The following ANO4 variants were observed in gnomAD, a reference collection of about 807,000 sequenced individuals.
ANO4 encodes the protein anoctamin-4.
Under a neutral mutation model 141.9 loss-of-function variants are expected in ANO4, and 69 were observed. The observed-to-expected ratio is 0.49, with a 90% CI of 0.40 to 0.59. The LOEUF is 0.59. Ranked by LOEUF, ANO4 falls within the 20% of genes least tolerant of loss-of-function variation. The pLI is 0.00. For missense variants in ANO4, 894 were observed against 1,162.2 expected (o/e 0.77, Z 3.36); for synonymous variants, 350 against 394.3 (o/e 0.89, Z 1.33).
chr12:100,958,336 C>T (rs1296545853), intron 5 of ANO4, among the ~76,000 whole-genome samples: 1 of 152,158 alleles, frequency 6.6e-6, no homozygotes, highest in African/African-American at 2.4e-5. Context: ...CCTCTTTTCC[C>T]ATTTCACTCT....
intron 3 of ANO4, among the ~76,000 whole-genome samples, chr12:100,928,962 C>CT (rs570738178): frequency 7.2e-5 from 11 of 152,068 alleles, no homozygotes; most frequent in African/African-American, 2.2e-4. Context: ...ACAATGACAT[C>CT]TTTTTTTATT....
chr12:100,890,376 A>AT (rs1327723513), intron 1 of ANO4, among the ~76,000 whole-genome samples: 1 of 152,216 alleles, frequency 6.6e-6, no homozygotes, highest in Non-Finnish European at 1.5e-5. Flanking sequence ...AACTGTTAGT[A>AT]TGTCTTATCA....
At chr12:101,091,592 T>C (rs995253901) in intron 17 of ANO4, among the ~76,000 whole-genome samples, 1 of 152,216 alleles carries the variant, frequency 6.6e-6, no homozygotes, top group Non-Finnish European at 1.5e-5. Context: ...CAATGTGAGA[T>C]ATTATCGTGA....
chr12:101,039,141 AT>A (rs1245484069), intron 10 of ANO4: 1 of 152,142 alleles, frequency 6.6e-6, no homozygotes, highest in African/African-American at 2.4e-5. Flanking sequence ...ACATTCTAGA[AT>A]TTTCTTGTCG....
chr12:100,801,503 T>A (rs981451469), intron 1 of ANO4, among the ~76,000 whole-genome samples: 6 of 151,342 alleles, frequency 4.0e-5, no homozygotes, highest in African/African-American at 1.5e-4. Flanking sequence ...ATGAAAGATT[T>A]TTTTTTTTTT....
chr12:100,833,429 C>G (rs1008824079), intron 1 of ANO4, among the ~76,000 whole-genome samples: 1 of 152,080 alleles, frequency 6.6e-6, no homozygotes, highest in African/African-American at 2.4e-5. Flanking sequence ...GTTTCTTACC[C>G]AATTCATGTT....
At chr12:101,034,707 A>G (rs943129602) in intron 9 of ANO4, among the ~76,000 whole-genome samples, 4 of 152,236 alleles carry the variant, frequency 2.6e-5, no homozygotes, top group African/African-American at 4.8e-5. Context: ...TCTAGAATAC[A>G]TAAAGAACAC....
At chr12:101,078,868 G>A (rs2049131442) in intron 14 of ANO4, among the ~76,000 whole-genome samples, 1 of 152,208 alleles carries the variant, frequency 6.6e-6, no homozygotes, top group Non-Finnish European at 1.5e-5. Flanking sequence ...CAATTAGATA[G>A]ATGTCGGTAA....
chr12:100,835,254 T>C (rs923784552), intron 1 of ANO4, among the ~76,000 whole-genome samples: 5 of 150,880 alleles, frequency 3.3e-5, no homozygotes, highest in Admixed American at 6.6e-5. Flanking sequence ...GGGTGGCTTG[T>C]AGAGTGCCTG....
chr12:101,039,349 A>G (rs1283807512), intron 10 of ANO4, among the ~76,000 whole-genome samples: 1 of 152,144 alleles, frequency 6.6e-6, no homozygotes, highest in East Asian at 1.9e-4. Context: ...TACAAAAAAT[A>G]CAAAAGTTAG....
At chr12:100,892,245 G>A (rs977964039) in intron 1 of ANO4, among the ~76,000 whole-genome samples, 5 of 152,100 alleles carry the variant, frequency 3.3e-5, no homozygotes, top group Admixed American at 2.0e-4. Flanking sequence ...GCTGTTGGAC[G>A]TACTACTTTC....
chr12:100,825,728 C>A (rs2036298152), intron 1 of ANO4, among the ~76,000 whole-genome samples: 1 of 152,018 alleles, frequency 6.6e-6, no homozygotes, highest in South Asian at 2.1e-4. Context: ...CATATTTACA[C>A]ATAATTAACA....
chr12:101,036,401 G>A lies in ANO4; in HGVS notation c.842-694G>A, dbSNP rs558638992. Among the ~76,000 whole-genome samples, 9 of 152,306 alleles carry A rather than the reference G, an allele frequency of 5.9e-5. No homozygotes were observed. In the South Asian group the frequency reaches 1.4e-3, roughly 25 times the overall value. On this transcript the variant is annotated intron_variant, in intron 9 of 27. Transcript: ENST00000392977. ...CTTGAAGAGATATCTGCACGTCCAT[G>A]TTCATTGCAGCATTATTTACAATAG... is the stretch of plus-strand genomic sequence containing the variant.
At chr12:100,721,280 G>A (rs553112846) in intron 1 of ANO4, among the ~76,000 whole-genome samples, 1 of 152,180 alleles carries the variant, frequency 6.6e-6, no homozygotes, top group Non-Finnish European at 1.5e-5. Flanking sequence ...TTACTAGAAC[G>A]AATAAGATCT....
chr12:100,948,465 T>C (rs755966547), intron 5 of ANO4, among the ~76,000 whole-genome samples: 1 of 152,178 alleles, frequency 6.6e-6, no homozygotes, highest in Non-Finnish European at 1.5e-5. Flanking sequence ...CAATCTTTGT[T>C]TTTCCTAATT....
chr12:100,889,284 C>T (rs1310156318), intron 1 of ANO4, among the ~76,000 whole-genome samples: 1 of 151,928 alleles, frequency 6.6e-6, no homozygotes, highest in Non-Finnish European at 1.5e-5. Context: ...ATATCATTGT[C>T]GGACATTTAG....
intron 8 of ANO4, among the ~76,000 whole-genome samples, chr12:101,018,955 TG>T (rs1324738954): frequency 3.3e-5 from 5 of 150,814 alleles, no homozygotes; most frequent in African/African-American, 1.2e-4. Context: ...GACGAACAAA[TG>T]AAAAAAAAAT....
At chr12:100,768,056 TG>T (rs1247095706) in intron 3 of ANO4, among the ~76,000 whole-genome samples, 1 of 151,912 alleles carries the variant, frequency 6.6e-6, no homozygotes, top group East Asian at 1.9e-4. Context: ...GACCTGGCAC[TG>T]GGGCAGTTCT....
At position 100,942,486 on chromosome 12, in the gene ANO4, A is replaced by G; in HGVS notation, c.407A>G (p.Glu136Gly). Residue 136 changes from glutamate to glycine, a missense_variant, in exon 5 of 28, where the codon GAA becomes GGA. Physicochemically the swap from Glu to Gly is moderately conservative, Grantham distance 98 (BLOSUM62 -2). Around this residue, in one of 2 missense-constraint regions of ANO4, gnomAD observed 257 missense variants for 253.0 expected, o/e 1.02. Transcript: ENST00000392977. ...TCCAACCCCCAGACTGAAAAGAGAG[A>G]AGTATTTGAAAGAAACATTAGAGCA... ...RKSNPQTEKR[E>G]VFERNIRAEG... 3 of 1,614,134 alleles carry G rather than the reference A, an allele frequency of 1.9e-6. No individual in the cohort carries two copies. Among genetic ancestry groups the G allele is most frequent in the Non-Finnish European group, 2.5e-6 (3 of 1,179,996 alleles).
Sources: gnomAD v4.1 joint callset for allele counts (sites outside exome capture counted in the v4.1 genomes callset) on GRCh38, gnomAD v4.1.1 for gene constraint, gnomAD v4.1.1 regional missense constraint, MANE v1.5 for transcripts, NCBI Gene and HGNC (gene_info 2026-07-23, HGNC 2026-07-21) for gene names.